The following ZNF732 variants were observed in gnomAD, a reference collection of about 807,000 sequenced individuals.
ZNF732 encodes zinc finger protein LOC654254.
In ZNF732, 12 loss-of-function variants were observed where a neutral mutation model predicts 11.5. The ratio of observed to expected loss-of-function variants is 1.05; its 90% CI spans 0.67 to 1.70. The LOEUF is 1.70. ZNF732 is among the 40% of genes most tolerant of loss of function. The probability of loss-of-function intolerance (pLI) is 0.00; values close to 1 mark genes in which losing one functional copy is unlikely to be tolerated. For synonymous variants in ZNF732, 231 were observed against 236.5 expected, an observed-to-expected ratio of 0.98 and a Z score of 0.21; for missense variants, 702 against 676.9, an observed-to-expected ratio of 1.04 and a Z score of -0.41.
At chr4:282,457 G>T (rs1719637466) in intron 3 of ZNF732, among the ~76,000 whole-genome samples, 1 of 152,042 alleles carries the variant, frequency 6.6e-6, no homozygotes, top group South Asian at 2.1e-4. Context: ...TAGCACTCTG[G>T]GAGGCCAAGG....
At position 294,558 on chromosome 4, in the gene ZNF732, A is replaced by G. The variant is rs558608340; in HGVS notation, c.226+880T>C. Among the ~76,000 whole-genome samples the G allele has an allele frequency of 5.3e-5, 8 of 152,356 alleles. No individual in the cohort carries two copies. In the East Asian group the frequency reaches 1.5e-3, roughly 29 times the overall value. On this transcript the variant is annotated intron_variant, in intron 3 of 3. Transcript: ENST00000419098. ...AATGTTCTAAGCTGGTTAATGACAT[A>G]GAACATTTAAGAAATCTAGAAGGTG...
At position 273,868 on chromosome 4, in the gene ZNF732, GAA is replaced by G. The variant is rs782395865; in HGVS notation, c.227-1240_227-1239del. On this transcript the variant is annotated intron_variant, in intron 3 of 3. Coordinates refer to ENST00000419098, the MANE Select transcript of ZNF732 (RefSeq NM_001137608.3). Reference sequence around the variant, plus strand: ...AATTGGGATATTGTTAAGGTGCTAGGAAAAAAAAAAAAAACTTCTATGTGGGA... The same window carrying G: ...AATTGGGATATTGTTAAGGTGCTAGGAAAAAAAAAAAACTTCTATGTGGGA... Among the ~76,000 whole-genome samples, 462 of 131,314 alleles carry G rather than the reference GAA, an allele frequency of 3.5e-3. 3 individuals carry two copies. The highest frequency in any genetic ancestry group is 5.9e-3 in the Non-Finnish European group (356 of 60,378). 86.1% of individuals were successfully genotyped at this position (131,314 alleles called of 152,430 possible).
At chr4:283,861 A>G (rs1000237308) in intron 3 of ZNF732, among the ~76,000 whole-genome samples, 4 of 152,222 alleles carry the variant, frequency 2.6e-5, no homozygotes. Flanking sequence ...AACAAAGACA[A>G]ACAAGTCTTT....
At chr4:279,711 C>T (rs1163864374) in intron 3 of ZNF732, among the ~76,000 whole-genome samples, 3 of 152,152 alleles carry the variant, frequency 2.0e-5, no homozygotes, top group Non-Finnish European at 2.9e-5. Flanking sequence ...TTCATCACAA[C>T]TAAATATTTA....
At chr4:294,692 C>G (rs1197739337) in intron 3 of ZNF732, among the ~76,000 whole-genome samples, 1 of 152,182 alleles carries the variant, frequency 6.6e-6, no homozygotes, top group African/African-American at 2.4e-5. Context: ...TTTCTTTAAG[C>G]TCATCAGCTA....
chr4:282,297 A>G (rs1246190379), intron 3 of ZNF732, among the ~76,000 whole-genome samples: 2 of 152,202 alleles, frequency 1.3e-5, no homozygotes, highest in Admixed American at 6.5e-5. Flanking sequence ...CTTTTGCTTG[A>G]GGCCAGGAGT....
rs537779142 is a variant in ZNF732, at chr4:293,244, G to GTA, written c.226+2192_226+2193dup. ...AATAGCCAAAATATGGTGTGTGTGTGTATATATATATACACATATATATGT... is the reference window on the plus strand; with the variant it reads ...AATAGCCAAAATATGGTGTGTGTGTGTATATATATATATACACATATATATGT... On this transcript the variant is annotated intron_variant, in intron 3 of 3. Coordinates refer to ENST00000419098, the MANE Select transcript of ZNF732 (RefSeq NM_001137608.3). 9.3e-3 allele frequency among the ~76,000 whole-genome samples: 1,345 copies of GTA among 143,922 alleles called. 27 individuals carry two copies. The highest frequency in any genetic ancestry group is 0.031 in the African/African-American group (1,205 of 38,450). The allele number at this position is 143,922 out of a possible 152,430, so 94.4% of individuals were successfully genotyped here. A position where few individuals can be genotyped will look rare whatever the true frequency, so the allele number is the denominator to read the frequency against.
At chr4:305,064 C>G (rs922460195) in intron 1 of ZNF732, among the ~76,000 whole-genome samples, 32 of 152,226 alleles carry the variant, frequency 2.1e-4, no homozygotes, top group Admixed American at 1.8e-3. Flanking sequence ...CTCCTCCTCA[C>G]CCCACAGCCC....
rs976733270 is a variant in ZNF732 at position 286,149 on chromosome 4, C to T, written c.226+9289G>A. On this transcript the variant is annotated intron_variant, in intron 3 of 3. Transcript: ENST00000419098. ...CTATGCATATTTTGCATTAATATAACAAGCAATCCTGAAATTTTATCAGAA... is the reference window on the plus strand; with the variant it reads ...CTATGCATATTTTGCATTAATATAATAAGCAATCCTGAAATTTTATCAGAA... Among the ~76,000 whole-genome samples, 2 of 152,304 alleles carry T rather than the reference C, an allele frequency of 1.3e-5. 1 individual carries two copies. The highest frequency in any genetic ancestry group is 6.8e-3 in the Middle Eastern group (2 of 294).
At chr4:285,126 C>T (rs73791814) in intron 3 of ZNF732, among the ~76,000 whole-genome samples, 9,163 of 152,134 alleles carry the variant, frequency 0.06, 468 homozygotes, top group African/African-American at 0.14. Flanking sequence ...GGCCTGGATT[C>T]AGGCACCTGC....
intron 3 of ZNF732, among the ~76,000 whole-genome samples, chr4:277,462 TAA>T (rs1291882362): frequency 5.3e-5 from 8 of 151,866 alleles, no homozygotes; most frequent in Non-Finnish European, 8.8e-5. Flanking sequence ...CAAGAGGCCT[TAA>T]GAGACATTTT....
At chr4:299,983 C>T (rs1301081508) in intron 1 of ZNF732, among the ~76,000 whole-genome samples, 4 of 148,970 alleles carry the variant, frequency 2.7e-5, no homozygotes, top group East Asian at 2.0e-4. Flanking sequence ...GGATTACAGG[C>T]GTGAGCCACC....
chr4:303,783 A>C (rs557444419), intron 1 of ZNF732, among the ~76,000 whole-genome samples: 1 of 152,354 alleles, frequency 6.6e-6, no homozygotes, highest in African/African-American at 2.4e-5. Flanking sequence ...TAACGTCTGA[A>C]TTCTCGCAGG....
chr4:280,089 A>G (rs529880157), intron 3 of ZNF732, among the ~76,000 whole-genome samples: 1 of 152,208 alleles, frequency 6.6e-6, no homozygotes, highest in Non-Finnish European at 1.5e-5. Flanking sequence ...AAAACAAAAA[A>G]TAATTGAGGA....
chr4:292,631 AATG>A (rs1719862106), intron 3 of ZNF732, among the ~76,000 whole-genome samples: 2 of 151,876 alleles, frequency 1.3e-5, no homozygotes, highest in African/African-American at 2.4e-5. Context: ...GCAAAACAAT[AATG>A]ATGATAAGCC....
chr4:290,963 C>T (rs1203955205), intron 3 of ZNF732, among the ~76,000 whole-genome samples: 1 of 152,138 alleles, frequency 6.6e-6, no homozygotes, highest in African/African-American at 2.4e-5. Flanking sequence ...AATATACAGA[C>T]ACAGGGCTGC....
chr4:291,695 T>G (rs1162700282), intron 3 of ZNF732, among the ~76,000 whole-genome samples: 5 of 152,194 alleles, frequency 3.3e-5, no homozygotes, highest in Admixed American at 6.5e-5. Context: ...TTTAGTGGCG[T>G]TTTTCACAGT....
chr4:298,736 G>A (rs566474581), intron 1 of ZNF732, among the ~76,000 whole-genome samples: 2 of 152,310 alleles, frequency 1.3e-5, no homozygotes, highest in Non-Finnish European at 2.9e-5. Context: ...GGATCCAGAC[G>A]TGATAGCCCC....
Position 301,673 on chromosome 4 carries a change from A to G in ZNF732, c.3+3635T>C, listed in dbSNP as rs534405163. On this transcript the variant is annotated intron_variant, in intron 1 of 3. Transcript: ENST00000419098. ...CATAGGTGGGAGTTGAACAATGAGA[A>G]CACGTGGACACAGGATGGGGAACAT... Among the ~76,000 whole-genome samples, 29 of 152,276 alleles carry G rather than the reference A, an allele frequency of 1.9e-4. No homozygotes were observed. The South Asian group carries it at 6.0e-3, about 32-fold the overall frequency.
Sources: gnomAD v4.1 joint callset for allele counts (sites outside exome capture counted in the v4.1 genomes callset) on GRCh38, gnomAD v4.1.1 for gene constraint, MANE v1.5 for transcripts, NCBI Gene and HGNC (gene_info 2026-07-23, HGNC 2026-07-21) for gene names.